Variants in SEMA3D observed in about 807,000 individuals in gnomAD.
The protein encoded by SEMA3D is semaphorin-3D.
In SEMA3D, 84 loss-of-function variants were observed where a neutral mutation model predicts 100.1. The ratio of observed to expected loss-of-function variants is 0.84; its 90% CI spans 0.70 to 1.01. The LOEUF (loss-of-function observed/expected upper bound fraction) is 1.01. Among genes scored for constraint, SEMA3D ranks in the 50% least tolerant of loss-of-function variants. The probability of loss-of-function intolerance (pLI) is 0.00; values close to 1 mark genes in which losing one functional copy is unlikely to be tolerated. For missense variants in SEMA3D, 875 were observed against 934.1 expected (o/e 0.94, Z 0.82); for synonymous variants, 312 against 320.7 (o/e 0.97, Z 0.29).
In SEMA3D at chr7:85,042,170, C is replaced by G; in HGVS notation, c.976+1G>C. The G allele has an allele frequency of 6.3e-7, 1 of 1,597,906 alleles. No individual in the cohort carries two copies. The highest frequency in any genetic ancestry group is 8.6e-7 in the Non-Finnish European group (1 of 1,165,760). On this transcript the variant is annotated splice_donor_variant, in intron 10 of 18. Coordinates refer to ENST00000284136, the MANE Select transcript of SEMA3D (RefSeq NM_001384900.1). LOFTEE classifies it high-confidence loss of function. ...AAGAAAGAAGGAAAGAAGGAACTTA[C>G]GAAGCTCATCAAAGTAAGTATCTGC...
At chr7:85,184,501 TC>T (rs1562848606) in intron 1 of SEMA3D, among the ~76,000 whole-genome samples, 3 of 152,124 alleles carry the variant, frequency 2.0e-5, no homozygotes, top group Non-Finnish European at 4.4e-5. Flanking sequence ...GTTTTTTTTT[TC>T]TTTTCTGTTC....
At chr7:85,157,461 A>T (rs748875373) in intron 1 of SEMA3D, among the ~76,000 whole-genome samples, 14 of 152,082 alleles carry the variant, frequency 9.2e-5, no homozygotes, top group Non-Finnish European at 1.3e-4. Flanking sequence ...TGTACATTTT[A>T]TGTGTCTTTT....
chr7:85,020,922 G>GTACAACTTA (rs1177439541), intron 13 of SEMA3D, among the ~76,000 whole-genome samples: 1 of 151,286 alleles, frequency 6.6e-6, no homozygotes, highest in African/African-American at 2.4e-5. Context: ...ATACAAGGTT[G>GTACAACTTA]ATAATGCAAA....
At chr7:85,029,662 CT>C in intron 12 of SEMA3D, 1 of 404,576 alleles carries the variant, frequency 2.5e-6, no homozygotes. Flanking sequence ...TCTGGTGGTG[CT>C]TTTCAGGGCC....
intron 5 of SEMA3D, among the ~76,000 whole-genome samples, chr7:85,077,605 A>G (rs1257501362): frequency 6.6e-6 from 1 of 152,158 alleles, no homozygotes; most frequent in African/African-American, 2.4e-5. Context: ...ATTTCAAGCT[A>G]AAACAGCAAA....
At chr7:85,004,886 G>C (rs1009730465) in intron 18 of SEMA3D, among the ~76,000 whole-genome samples, 1 of 151,904 alleles carries the variant, frequency 6.6e-6, no homozygotes, top group African/African-American at 2.4e-5. Context: ...AGTAAAATTC[G>C]ATAAGTATTT....
At chr7:85,193,930 G>A in the SEMA3D span, among the ~76,000 whole-genome samples, 2 of 150,920 alleles carry the variant, frequency 1.3e-5, no homozygotes, top group Admixed American at 1.3e-4. Context: ...ACCAGAGTCA[G>A]ATATGGCAGG....
chr7:85,146,722 C>T (rs7809935), intron 2 of SEMA3D, among the ~76,000 whole-genome samples: 2 of 151,862 alleles, frequency 1.3e-5, no homozygotes, highest in African/African-American at 2.4e-5. Flanking sequence ...ACCAGTCTTC[C>T]GTTTACAAAT....
intron 17 of SEMA3D, among the ~76,000 whole-genome samples, chr7:85,011,605 A>C (rs2115780743): frequency 6.6e-6 from 1 of 151,852 alleles, no homozygotes; most frequent in Non-Finnish European, 1.5e-5. Context: ...TTTGTTGTTC[A>C]TTGCTGTATC....
the SEMA3D span, among the ~76,000 whole-genome samples, chr7:85,234,868 T>G: frequency 1.7e-4 from 26 of 152,220 alleles, no homozygotes; most frequent in Non-Finnish European, 7.3e-5. Flanking sequence ...AGAGTCCCTT[T>G]GCATCGCTGC....
chr7:85,164,350 A>G (rs1790834123), intron 1 of SEMA3D, among the ~76,000 whole-genome samples: 1 of 152,152 alleles, frequency 6.6e-6, no homozygotes, highest in Non-Finnish European at 1.5e-5. Context: ...GTATGTATCT[A>G]TACATATACT....
chr7:85,057,515 T>C (rs1317281341), intron 8 of SEMA3D, among the ~76,000 whole-genome samples: 4 of 152,184 alleles, frequency 2.6e-5, no homozygotes, highest in Admixed American at 2.6e-4. Flanking sequence ...TTGCCTTTTC[T>C]AGAGTTTTGC....
the SEMA3D span, among the ~76,000 whole-genome samples, chr7:85,196,270 A>G: frequency 2.0e-4 from 30 of 152,256 alleles, no homozygotes; most frequent in African/African-American, 6.0e-4. Context: ...CTAGAATCCT[A>G]CCTCACACCC....
chr7:85,058,277 C>T (rs549088030), intron 8 of SEMA3D, among the ~76,000 whole-genome samples: 1 of 152,040 alleles, frequency 6.6e-6, no homozygotes, highest in East Asian at 1.9e-4. Context: ...TCTAATTAAT[C>T]TCAAATTGGC....
At chr7:85,089,381 T>C (rs1442858350) in intron 4 of SEMA3D, among the ~76,000 whole-genome samples, 1 of 152,140 alleles carries the variant, frequency 6.6e-6, no homozygotes, top group Non-Finnish European at 1.5e-5. Flanking sequence ...TCTTTTCTAA[T>C]AACCAATCTG....
intron 8 of SEMA3D, among the ~76,000 whole-genome samples, chr7:85,057,262 T>C (rs1320833519): frequency 6.6e-6 from 1 of 152,076 alleles, no homozygotes; most frequent in African/African-American, 2.4e-5. Context: ...TTTTAAATAA[T>C]TGTGAATTAA....
chr7:85,176,698 A>T (rs999667835), intron 1 of SEMA3D, among the ~76,000 whole-genome samples: 15 of 152,140 alleles, frequency 9.9e-5, no homozygotes, highest in African/African-American at 3.6e-4. Flanking sequence ...ATTAAAAAAA[A>T]TTCAGCAATT....
chr7:85,074,386 G>T (rs1791862598), intron 5 of SEMA3D, among the ~76,000 whole-genome samples: 1 of 152,136 alleles, frequency 6.6e-6, no homozygotes, highest in Non-Finnish European at 1.5e-5. Context: ...TAACCTAACT[G>T]GTAGGGTGGT....
In SEMA3D at chr7:85,104,570, T is replaced by C. The variant is rs116084017; in HGVS notation, c.152-6605A>G. ...CAGCCTGGGGAAACATTTGACCCGATGGTCTATATTCTTCCTCTTCACCCC... is the reference window on the plus strand; with the variant it reads ...CAGCCTGGGGAAACATTTGACCCGACGGTCTATATTCTTCCTCTTCACCCC... On this transcript the variant is annotated intron_variant, in intron 3 of 18. Transcript: ENST00000284136. Among the ~76,000 whole-genome samples the C allele has an allele frequency of 2.4e-3, 358 of 152,110 alleles. 2 individuals carry two copies. The highest frequency in any genetic ancestry group is 8.1e-3 in the African/African-American group (336 of 41,534).
Sources: gnomAD v4.1 joint callset for allele counts (sites outside exome capture counted in the v4.1 genomes callset) on GRCh38, gnomAD v4.1.1 for gene constraint, MANE v1.5 for transcripts, NCBI Gene and HGNC (gene_info 2026-07-23, HGNC 2026-07-21) for gene names.